The following STYK1 variants were observed in gnomAD, a reference collection of about 807,000 sequenced individuals.
STYK1 encodes the protein STY kinase 1.
Under a neutral mutation model 48.1 loss-of-function variants are expected in STYK1, and 46 were observed. That is an observed-to-expected ratio of 0.96 (90% CI 0.75 to 1.22). The LOEUF is 1.22. STYK1 is among the 50% of genes most tolerant of loss of function. The pLI is 0.00. For missense variants in STYK1, 527 were observed against 521.1 expected (o/e 1.01, Z -0.11); for synonymous variants, 188 against 189.0 (o/e 0.99, Z 0.04).
At chr12:10,656,181 C>A (rs909651913) in intron 1 of STYK1, among the ~76,000 whole-genome samples, 1 of 152,186 alleles carries the variant, frequency 6.6e-6, no homozygotes, top group Non-Finnish European at 1.5e-5. Context: ...CTTTGCCTGT[C>A]GCCCACAGGC....
At chr12:10,632,219 A>C (rs554667456) in intron 4 of STYK1, among the ~76,000 whole-genome samples, 1 of 151,936 alleles carries the variant, frequency 6.6e-6, no homozygotes, top group East Asian at 1.9e-4. Flanking sequence ...AAACAAAAAA[A>C]GGTGGTGGGG....
rs567394404 is a variant in STYK1, at chr12:10,650,175, G to T, written c.-194-12979C>A. On this transcript the variant is annotated intron_variant, in intron 1 of 10. Coordinates refer to ENST00000075503, the MANE Select transcript of STYK1 (RefSeq NM_018423.3). The stretch of plus-strand genomic sequence containing the variant: ...CTTGAGTTTAACAAGCTTCATTGTT[G>T]CTTGCTAAAGGCATTATCTTGCCGA... Among the ~76,000 whole-genome samples the T allele has an allele frequency of 2.8e-4, 41 of 145,762 alleles. No homozygotes were observed. The South Asian group carries it at 9.1e-3, about 32-fold the overall frequency.
At chr12:10,663,054 C>T (rs551332591) in intron 1 of STYK1, among the ~76,000 whole-genome samples, 175 of 152,218 alleles carry the variant, frequency 1.1e-3, no homozygotes, top group Non-Finnish European at 2.0e-3. Flanking sequence ...TCCAATTGTC[C>T]CAGCATAATT....
At chr12:10,620,951 A>T (rs570899271) in intron 10 of STYK1, among the ~76,000 whole-genome samples, 106 of 150,956 alleles carry the variant, frequency 7.0e-4, no homozygotes, top group Middle Eastern at 3.4e-3. Context: ...TTTGTCATCA[A>T]TTTTTTTCTA....
intron 1 of STYK1, among the ~76,000 whole-genome samples, chr12:10,648,581 A>AT (rs779301941): frequency 6.6e-6 from 1 of 151,904 alleles, no homozygotes. Context: ...AACAAGATAC[A>AT]TTTTTTGCCA....
At chr12:10,660,345 A>T (rs1947762736) in intron 1 of STYK1, among the ~76,000 whole-genome samples, 1 of 152,192 alleles carries the variant, frequency 6.6e-6, no homozygotes, top group East Asian at 1.9e-4. Flanking sequence ...CCCTGAATAC[A>T]AAAAACACTA....
At chr12:10,625,201 TC>T (rs1233837579) in intron 7 of STYK1, among the ~76,000 whole-genome samples, 16 of 117,994 alleles carry the variant, frequency 1.4e-4, no homozygotes, top group African/African-American at 4.1e-4. Context: ...CAAGTTTCTT[TC>T]TTTTTTTGTT....
At chr12:10,625,202 CTTTTTTTGTTTGTTTG>C (rs1373098098) in intron 7 of STYK1, among the ~76,000 whole-genome samples, 1 of 122,094 alleles carries the variant, frequency 8.2e-6, no homozygotes, top group Non-Finnish European at 1.8e-5. Flanking sequence ...AAGTTTCTTT[CTTTTTTTGTTTGTTTG>C]TTTGTTTGTT....
chr12:10,646,953 G>C (rs1218880227), intron 1 of STYK1, among the ~76,000 whole-genome samples: 4 of 152,218 alleles, frequency 2.6e-5, no homozygotes, highest in African/African-American at 9.6e-5. Context: ...ATTAAGGCTT[G>C]GGAACCTCTG....
At chr12:10,635,037 T>C (rs1229792908) in intron 2 of STYK1, among the ~76,000 whole-genome samples, 1 of 152,212 alleles carries the variant, frequency 6.6e-6, no homozygotes, top group Non-Finnish European at 1.5e-5. Context: ...CTGTGATCCA[T>C]GGGTTATGTG....
chr12:10,660,660 G>A (rs12372389), intron 1 of STYK1, among the ~76,000 whole-genome samples: 12 of 146,064 alleles, frequency 8.2e-5, no homozygotes, highest in African/African-American at 3.0e-4. Context: ...AAAGAAGCAA[G>A]CCAAAACCCA....
intron 4 of STYK1, among the ~76,000 whole-genome samples, chr12:10,633,373 G>T (rs1947450368): frequency 6.6e-6 from 1 of 152,170 alleles, no homozygotes; most frequent in Non-Finnish European, 1.5e-5. Flanking sequence ...TGAAGTATAA[G>T]ACTATTGGGA....
At chr12:10,631,793 T>C (rs1947432251) in intron 4 of STYK1, among the ~76,000 whole-genome samples, 4 of 152,252 alleles carry the variant, frequency 2.6e-5, no homozygotes, top group Non-Finnish European at 5.9e-5. Flanking sequence ...AAAGTCAAGT[T>C]ATTTCATATT....
intron 1 of STYK1, among the ~76,000 whole-genome samples, chr12:10,655,839 T>C (rs1483203859): frequency 6.6e-6 from 1 of 152,238 alleles, no homozygotes; most frequent in Non-Finnish European, 1.5e-5. Context: ...TTTGAAGTGC[T>C]ATGGTTAAAA....
chr12:10,627,494 A>G lies in STYK1; in HGVS notation c.717+147T>C, dbSNP rs1947371468. ...GGAAGGGACTAAAAACAATTTATCC[A>G]TGCTTGAGTTTCTGCCCCCTAACTT... On this transcript the variant is annotated intron_variant, in intron 7 of 10. Transcript: ENST00000075503. 8.0e-6 allele frequency: 5 copies of G among 628,794 alleles called. No individual in the cohort carries two copies. In the East Asian group the frequency reaches 1.5e-4, roughly 19 times the overall value. The allele number at this position is 628,794 out of a possible 1,614,324, so 39.0% of individuals were successfully genotyped here. A position where few individuals can be genotyped will look rare whatever the true frequency, so the allele number is the denominator to read the frequency against.
At chr12:10,656,345 G>A (rs1054599703) in intron 1 of STYK1, among the ~76,000 whole-genome samples, 2 of 121,256 alleles carry the variant, frequency 1.6e-5, no homozygotes, top group Non-Finnish European at 3.7e-5. Flanking sequence ...ATGAATACAG[G>A]GCTGAGTGCG....
chr12:10,620,465 T>C (rs1865890007), intron 10 of STYK1, 117 bp from the exon 11 acceptor site: 1 of 931,742 alleles, frequency 1.1e-6, no homozygotes, highest in Non-Finnish European at 1.6e-6. Context: ...GTCTTCTGTT[T>C]GCCCTGTTAC....
At chr12:10,661,532 G>A (rs957916766) in intron 1 of STYK1, among the ~76,000 whole-genome samples, 5 of 152,160 alleles carry the variant, frequency 3.3e-5, no homozygotes, top group African/African-American at 1.2e-4. Context: ...CTTGATACTG[G>A]TTTTGATTCC....
intron 1 of STYK1, among the ~76,000 whole-genome samples, chr12:10,638,616 T>C (rs1414265403): frequency 2.6e-5 from 4 of 152,254 alleles, no homozygotes; most frequent in Non-Finnish European, 5.9e-5. Context: ...ATATTCTATT[T>C]GCAACCATAA....
Sources: gnomAD v4.1 joint callset for allele counts (sites outside exome capture counted in the v4.1 genomes callset) on GRCh38, gnomAD v4.1.1 for gene constraint, MANE v1.5 for transcripts, NCBI Gene and HGNC (gene_info 2026-07-23, HGNC 2026-07-21) for gene names.